The following ROBO1 variants were observed in gnomAD, a reference collection of about 807,000 sequenced individuals.
ROBO1 encodes roundabout guidance receptor 1, also known as roundabout homolog 1.
In ROBO1, 149 loss-of-function variants were observed where a neutral mutation model predicts 195.9. The ratio of observed to expected loss-of-function variants is 0.76; its 90% CI spans 0.67 to 0.87. ROBO1 has a LOEUF of 0.87. ROBO1 is among the 40% of genes least tolerant of loss of function. The probability of loss-of-function intolerance (pLI) is 0.00; values close to 1 mark genes in which losing one functional copy is unlikely to be tolerated. For missense variants in ROBO1, 1,933 were observed against 2,068.3 expected (o/e 0.93, Z 1.27); for synonymous variants, 816 against 733.2 (o/e 1.11, Z -1.82).
At chr3:78,815,455 A>ATGTACGCCTTT (rs2084870444) in intron 4 of ROBO1, among the ~76,000 whole-genome samples, 1 of 152,192 alleles carries the variant, frequency 6.6e-6, no homozygotes, top group East Asian at 1.9e-4. Context: ...ATAGAAAGTC[A>ATGTACGCCTTT]AACCAACTGC....
In ROBO1 at chr3:79,125,451, T is replaced by G; in HGVS notation, c.172+5A>C. The G allele has an allele frequency of 6.2e-7, 1 of 1,612,618 alleles. No individual in the cohort carries two copies. Among genetic ancestry groups the G allele is most frequent in the Middle Eastern group, 1.7e-4 (1 of 6,060 alleles). On this transcript the variant is annotated splice_donor_5th_base_variant and intron_variant, in intron 3 of 30. Coordinates refer to ENST00000464233, the MANE Select transcript of ROBO1 (RefSeq NM_002941.4). ...AAGTTAGTATTTGGGAAAGAGACAC[T>G]CTACCTGTATAGCCCAGCGAATTGT...
At chr3:79,765,116 G>A (rs894347860) in intron 1 of ROBO1, among the ~76,000 whole-genome samples, 2 of 152,216 alleles carry the variant, frequency 1.3e-5, no homozygotes, top group Non-Finnish European at 2.9e-5. Context: ...GTTTTCTGAA[G>A]CAAGGCTCCA....
chr3:78,758,551 C>CAAAA (rs1559824157), intron 4 of ROBO1, among the ~76,000 whole-genome samples: 1 of 137,264 alleles, frequency 7.3e-6, no homozygotes, highest in African/African-American at 3.0e-5. Flanking sequence ...AAAAAAAAAT[C>CAAAA]CTCCTCAGGA....
At position 79,241,723 on chromosome 3, in the gene ROBO1, T is replaced by G. The variant is rs2082522180; in HGVS notation, c.89-116184A>C. Among the ~76,000 whole-genome samples the G allele has an allele frequency of 2.7e-5, 4 of 149,838 alleles. No homozygotes were observed. In the South Asian group the frequency reaches 8.3e-4, roughly 31 times the overall value. The stretch of plus-strand genomic sequence containing the variant: ...TGTAATAACAATATTTATATAAATA[T>G]AAATAATTTATGTAAATATAAAAAT... On this transcript the variant is annotated intron_variant, in intron 2 of 30. Transcript: ENST00000464233.
intron 3 of ROBO1, among the ~76,000 whole-genome samples, chr3:79,119,406 T>C (rs1332858129): frequency 6.6e-6 from 1 of 152,170 alleles, no homozygotes. Context: ...GAAAAGACTT[T>C]TGGAGTATGA....
intron 4 of ROBO1, among the ~76,000 whole-genome samples, chr3:78,867,861 C>CT (rs1428157491): frequency 2.6e-5 from 4 of 152,042 alleles, no homozygotes; most frequent in African/African-American, 9.7e-5. Flanking sequence ...CTGCCATCTC[C>CT]GAAAATCTCA....
chr3:79,760,974 G>A (rs1038139003), intron 1 of ROBO1, among the ~76,000 whole-genome samples: 1 of 150,564 alleles, frequency 6.6e-6, no homozygotes, highest in East Asian at 1.9e-4. Flanking sequence ...GCTACAGTCT[G>A]TTATAGTAAG....
intron 2 of ROBO1, among the ~76,000 whole-genome samples, chr3:79,580,165 G>A (rs1305330479): frequency 6.6e-6 from 1 of 151,976 alleles, no homozygotes; most frequent in African/African-American, 2.4e-5. Context: ...ATGGAAAAAT[G>A]TCATGTCATA....
chr3:79,168,410 A>C (rs915191338), intron 2 of ROBO1, among the ~76,000 whole-genome samples: 8 of 152,124 alleles, frequency 5.3e-5, no homozygotes, highest in African/African-American at 1.9e-4. Flanking sequence ...TCAAAGCTAA[A>C]GTTGGCAGAA....
chr3:78,753,817 A>T (rs777579357), intron 4 of ROBO1, among the ~76,000 whole-genome samples: 33 of 152,222 alleles, frequency 2.2e-4, no homozygotes, highest in Admixed American at 6.5e-4. Context: ...TTTAAAATGT[A>T]TCACCAAAGT....
At chr3:79,594,385 A>C (rs1944099112) in intron 1 of ROBO1, among the ~76,000 whole-genome samples, 1 of 152,054 alleles carries the variant, frequency 6.6e-6, no homozygotes, top group Non-Finnish European at 1.5e-5. Flanking sequence ...TTAAAATACT[A>C]AGAGTGTATA....
chr3:79,354,897 G>T (rs963272609), intron 2 of ROBO1, among the ~76,000 whole-genome samples: 2 of 152,172 alleles, frequency 1.3e-5, no homozygotes, highest in African/African-American at 4.8e-5. Flanking sequence ...GCAGAGCATG[G>T]TGGCTCACGC....
intron 3 of ROBO1, chr3:79,018,885 T>A: frequency 3.0e-6 from 3 of 996,942 alleles, no homozygotes; most frequent in Non-Finnish European, 3.6e-6. Flanking sequence ...GTGTGAGAGC[T>A]GCTGAGGGAG....
intron 3 of ROBO1, among the ~76,000 whole-genome samples, chr3:78,979,245 TCAAGCCAGCTCAGCCTA>T (rs1176544584): frequency 6.6e-6 from 1 of 152,064 alleles, no homozygotes; most frequent in Non-Finnish European, 1.5e-5. Context: ...TGAGATTAGG[TCAAGCCAGCTCAGCCTA>T]CAATAGCATC....
chr3:79,466,972 T>C (rs1390115229), intron 2 of ROBO1, among the ~76,000 whole-genome samples: 1 of 152,042 alleles, frequency 6.6e-6, no homozygotes, highest in Admixed American at 6.6e-5. Flanking sequence ...TGAGAATCAG[T>C]TCATCTAAAA....
chr3:79,373,706 T>TGACAAAGATCCTCTGAA (rs2036283840), intron 2 of ROBO1, among the ~76,000 whole-genome samples: 1 of 152,224 alleles, frequency 6.6e-6, no homozygotes, highest in South Asian at 2.1e-4. Flanking sequence ...GAATTTATTG[T>TGACAAAGATCCTCTGAA]GTGCAATTTA....
intron 4 of ROBO1, among the ~76,000 whole-genome samples, chr3:78,898,315 T>TCTATGGA (rs1172268621): frequency 6.7e-6 from 1 of 149,580 alleles, no homozygotes; most frequent in Non-Finnish European, 1.5e-5. Flanking sequence ...ACACAAGTCC[T>TCTATGGA]CTATGGACTA....
intron 3 of ROBO1, among the ~76,000 whole-genome samples, chr3:79,105,307 A>G (rs1482799453): frequency 6.6e-6 from 1 of 151,768 alleles, no homozygotes; most frequent in East Asian, 1.9e-4. Context: ...CAAAGTGCAT[A>G]ATCAGGCAAT....
At chr3:79,075,798 A>T (rs532616788) in intron 3 of ROBO1, among the ~76,000 whole-genome samples, 91 of 152,074 alleles carry the variant, frequency 6.0e-4, no homozygotes, top group African/African-American at 1.9e-3. Context: ...ATTTGGAATA[A>T]GGCACTAGCT....
Sources: gnomAD v4.1 joint callset for allele counts (sites outside exome capture counted in the v4.1 genomes callset) on GRCh38, gnomAD v4.1.1 for gene constraint, MANE v1.5 for transcripts, NCBI Gene and HGNC (gene_info 2026-07-23, HGNC 2026-07-21) for gene names.